EXOC6B: variants seen among roughly 807,000 people sequenced by gnomAD.
The protein encoded by EXOC6B is exocyst complex component 6B, also known as SEC15 homolog B.
A neutral mutation model predicts 113.5 loss-of-function variants in EXOC6B; 54 were observed. That is an observed-to-expected ratio of 0.48 (90% CI 0.38 to 0.60). The LOEUF is 0.60. Ranked by LOEUF, EXOC6B falls within the 20% of genes least tolerant of loss-of-function variation. EXOC6B has a pLI of 0.00. For synonymous variants in EXOC6B, 357 were observed against 339.0 expected (o/e 1.05, Z -0.58); for missense variants, 797 against 977.5 (o/e 0.82, Z 2.46).
At chr2:72,450,201 G>A (rs1217715373) in intron 18 of EXOC6B, among the ~76,000 whole-genome samples, 1 of 152,196 alleles carries the variant, frequency 6.6e-6, no homozygotes, top group Non-Finnish European at 1.5e-5. Context: ...TATGTAGAGA[G>A]GTTAAAATGG....
intron 20 of EXOC6B, among the ~76,000 whole-genome samples, chr2:72,193,494 T>C (rs1559001976): frequency 1.3e-5 from 2 of 152,180 alleles, no homozygotes; most frequent in Non-Finnish European, 2.9e-5. Context: ...CAAACATAAA[T>C]TGAGTACCAA....
chr2:72,185,742 T>TTC (rs1175935155), intron 20 of EXOC6B, among the ~76,000 whole-genome samples: 30 of 148,542 alleles, frequency 2.0e-4, no homozygotes, highest in African/African-American at 4.6e-4. Context: ...ATTTCTTTCT[T>TTC]TTTTTTTTTT....
chr2:72,744,850 C>G (rs563721579), intron 1 of EXOC6B, among the ~76,000 whole-genome samples: 1 of 151,968 alleles, frequency 6.6e-6, no homozygotes, highest in Admixed American at 6.5e-5. Flanking sequence ...TCCCTAGGCT[C>G]TCTGATCTTC....
At chr2:72,343,929 G>A (rs773173806) in intron 19 of EXOC6B, among the ~76,000 whole-genome samples, 16 of 152,120 alleles carry the variant, frequency 1.1e-4, no homozygotes, top group Admixed American at 2.6e-4. Flanking sequence ...AGATCCTTCC[G>A]TTCATTTTAA....
At chr2:72,501,816 G>A (rs1700336170) in intron 11 of EXOC6B, among the ~76,000 whole-genome samples, 1 of 149,976 alleles carries the variant, frequency 6.7e-6, no homozygotes. Flanking sequence ...CTGGAGTGCA[G>A]TGGCAGGATC....
chr2:72,812,000 T>C (rs1193660054), intron 1 of EXOC6B, among the ~76,000 whole-genome samples: 1 of 152,122 alleles, frequency 6.6e-6, no homozygotes, highest in Non-Finnish European at 1.5e-5. Flanking sequence ...GGCAAAGATA[T>C]CCACTTTTAC....
intron 1 of EXOC6B, among the ~76,000 whole-genome samples, chr2:72,778,772 C>T (rs1196745116): frequency 6.6e-6 from 1 of 152,076 alleles, no homozygotes; most frequent in Admixed American, 6.5e-5. Flanking sequence ...CTATCATACA[C>T]AAGTAAAGTT....
intron 6 of EXOC6B, among the ~76,000 whole-genome samples, chr2:72,697,583 T>C (rs1462742389): frequency 1.3e-5 from 2 of 151,866 alleles, no homozygotes; most frequent in Admixed American, 6.6e-5. Flanking sequence ...ACTCAGGAGG[T>C]TGAGGTGGGA....
intron 20 of EXOC6B, among the ~76,000 whole-genome samples, chr2:72,330,048 C>T (rs1323506716): frequency 2.0e-5 from 3 of 151,938 alleles, no homozygotes; most frequent in Non-Finnish European, 4.4e-5. Context: ...GCTCCATTCG[C>T]GAGATCTGAT....
intron 18 of EXOC6B, 91 bp downstream of exon 18, chr2:72,465,069 T>C (rs1697955783): frequency 1.9e-6 from 2 of 1,044,848 alleles, no homozygotes; most frequent in East Asian, 2.6e-5. Context: ...TCTTCCTGGG[T>C]AGTTACAGCA....
intron 20 of EXOC6B, among the ~76,000 whole-genome samples, chr2:72,277,633 A>T (rs1400171060): frequency 6.6e-6 from 1 of 151,924 alleles, no homozygotes; most frequent in Non-Finnish European, 1.5e-5. Flanking sequence ...TTGGGATTAC[A>T]AGCGCCCACC....
At chr2:72,244,657 T>C (rs965499894) in intron 20 of EXOC6B, among the ~76,000 whole-genome samples, 11 of 152,104 alleles carry the variant, frequency 7.2e-5, no homozygotes, top group African/African-American at 2.7e-4. Context: ...CTAGCCAGGC[T>C]ATCTAAGAAG....
At chr2:72,239,184 C>T (rs942454748) in intron 20 of EXOC6B, among the ~76,000 whole-genome samples, 6 of 152,198 alleles carry the variant, frequency 3.9e-5, no homozygotes, top group Non-Finnish European at 8.8e-5. Context: ...AGCCACTGTG[C>T]GTGGCGTGTT....
intron 19 of EXOC6B, among the ~76,000 whole-genome samples, chr2:72,363,783 G>C (rs941956674): frequency 1.3e-5 from 2 of 151,892 alleles, no homozygotes; most frequent in Non-Finnish European, 2.9e-5. Context: ...AGTTGTAAGG[G>C]GTTAAATAAT....
In EXOC6B at chr2:72,179,427, C is replaced by T. The variant is rs1266600924; in HGVS notation, c.2344G>A (p.Ala782Thr). The T allele has an allele frequency of 1.9e-6, 3 of 1,613,720 alleles. No individual in the cohort carries two copies. The highest frequency in any genetic ancestry group is 1.3e-5 in the African/African-American group (1 of 74,866). ...TCTCGCTCATTTTTCCGAAACTGTGCAAACATGTTGTTCTTGCGGCTAGTA... is the reference window on the plus strand; with the variant it reads ...TCTCGCTCATTTTTCCGAAACTGTGTAAACATGTTGTTCTTGCGGCTAGTA... ...KDTSRKNNMF[A>T]QFRKNERDKQ... is the part of the protein sequence containing the mutation. Residue 782 changes from alanine (A) to threonine (T), a missense_variant, in exon 22 of 22, where the codon GCA (alanine) becomes ACA (threonine). Coordinates refer to ENST00000272427, the MANE Select transcript of EXOC6B (RefSeq NM_015189.3).
intron 13 of EXOC6B, among the ~76,000 whole-genome samples, chr2:72,497,204 C>T (rs113730059): frequency 1.3e-5 from 2 of 151,828 alleles, no homozygotes; most frequent in African/African-American, 4.8e-5. Flanking sequence ...AAACTCCTGC[C>T]CTCAAGGGAT....
rs1696608706 is a variant in EXOC6B, at chr2:72,446,753, A to T, written c.1980+18407T>A. Among the ~76,000 whole-genome samples the T allele has an allele frequency of 2.6e-5, 4 of 152,328 alleles. No homozygotes were observed. The South Asian group carries it at 8.3e-4, about 32-fold the overall frequency. ...GTTTACCTACATAACAAACCTGCACATATACCCCCAAACTTAAAATAAACG... is the reference window on the plus strand; with the variant it reads ...GTTTACCTACATAACAAACCTGCACTTATACCCCCAAACTTAAAATAAACG... On this transcript the variant is annotated intron_variant, in intron 18 of 21. Coordinates refer to ENST00000272427, the MANE Select transcript of EXOC6B (RefSeq NM_015189.3).
At chr2:72,580,844 A>G (rs1364813715) in intron 6 of EXOC6B, among the ~76,000 whole-genome samples, 3 of 152,186 alleles carry the variant, frequency 2.0e-5, no homozygotes, top group African/African-American at 7.2e-5. Context: ...GCTGACAGAA[A>G]TGTTTCTTTG....
chr2:72,602,314 A>T (rs1191002929), intron 6 of EXOC6B, among the ~76,000 whole-genome samples: 1 of 152,228 alleles, frequency 6.6e-6, no homozygotes, highest in Non-Finnish European at 1.5e-5. Context: ...ATGAATGAAT[A>T]TAATTCTCAG....
Sources: gnomAD v4.1 joint callset for allele counts (sites outside exome capture counted in the v4.1 genomes callset) on GRCh38, gnomAD v4.1.1 for gene constraint, MANE v1.5 for transcripts, NCBI Gene and HGNC (gene_info 2026-07-23, HGNC 2026-07-21) for gene names.